Variants in FSTL4 observed in about 807,000 individuals in gnomAD.
FSTL4 encodes the protein follistatin-related protein 4.
Under a neutral mutation model 78.2 loss-of-function variants are expected in FSTL4, and 28 were observed. That is an observed-to-expected ratio of 0.36 (90% CI 0.27 to 0.49). The LOEUF is 0.49. Among genes scored for constraint, FSTL4 ranks in the 20% least tolerant of loss-of-function variants. The pLI is 0.98. For missense variants in FSTL4, 922 were observed against 1,084.9 expected (o/e 0.85, Z 2.11); for synonymous variants, 422 against 440.5 (o/e 0.96, Z 0.53).
the FSTL4 span, among the ~76,000 whole-genome samples, chr5:133,801,066 T>C: frequency 9.9e-5 from 15 of 152,236 alleles, no homozygotes; most frequent in African/African-American, 3.4e-4. Flanking sequence ...GCAGGCAGGT[T>C]GTCGCCTTCA....
intron 6 of FSTL4, among the ~76,000 whole-genome samples, chr5:133,259,208 G>A (rs1197257245): frequency 1.3e-5 from 2 of 152,072 alleles, no homozygotes; most frequent in Non-Finnish European, 2.9e-5. Flanking sequence ...GTGGCGGAAA[G>A]CCTCTTTGAG....
the FSTL4 span, among the ~76,000 whole-genome samples, chr5:133,672,361 A>G: frequency 2.0e-5 from 3 of 152,270 alleles, no homozygotes; most frequent in Non-Finnish European, 4.4e-5. Flanking sequence ...CATGATGGGC[A>G]TGAAACATGA....
intron 4 of FSTL4, among the ~76,000 whole-genome samples, chr5:133,382,277 G>A (rs1334217983): frequency 6.6e-6 from 1 of 152,232 alleles, no homozygotes; most frequent in Non-Finnish European, 1.5e-5. Flanking sequence ...CTGAGCCCCT[G>A]CGGACCCATG....
At chr5:133,563,410 G>A (rs1759962996) in intron 3 of FSTL4, among the ~76,000 whole-genome samples, 1 of 152,194 alleles carries the variant, frequency 6.6e-6, no homozygotes, top group Non-Finnish European at 1.5e-5. Flanking sequence ...GGGCATCAGA[G>A]AGGCACCAGC....
chr5:133,398,105 C>T (rs72803169), intron 4 of FSTL4, among the ~76,000 whole-genome samples: 8,982 of 152,182 alleles, frequency 0.059, 271 homozygotes, highest in South Asian at 0.073. Context: ...CGTTCTACTC[C>T]CCCCTGGAGC....
At chr5:133,485,895 C>T (rs1424697721) in intron 3 of FSTL4, among the ~76,000 whole-genome samples, 1 of 152,242 alleles carries the variant, frequency 6.6e-6, no homozygotes, top group Non-Finnish European at 1.5e-5. Context: ...CAGTGGGCTT[C>T]TTCCAGAAAA....
the FSTL4 span, among the ~76,000 whole-genome samples, chr5:133,818,509 C>T: frequency 6.6e-6 from 1 of 152,276 alleles, no homozygotes; most frequent in South Asian, 2.1e-4. Context: ...CCACTGAAAC[C>T]TCCATTAACT....
intron 3 of FSTL4, among the ~76,000 whole-genome samples, chr5:133,481,054 G>A (rs1758017962): frequency 1.3e-5 from 2 of 152,292 alleles, no homozygotes; most frequent in Middle Eastern, 3.4e-3. Context: ...GACCGTGGCT[G>A]TTGGCCTAAT....
chr5:133,591,444 G>T (rs55674913), intron 2 of FSTL4, among the ~76,000 whole-genome samples: 28,380 of 152,076 alleles, frequency 0.19, 3,382 homozygotes, highest in East Asian at 0.29. Flanking sequence ...CTTGCTGAGA[G>T]GTTTGAGGCT....
At chr5:133,468,779 G>T (rs957273600) in intron 3 of FSTL4, among the ~76,000 whole-genome samples, 27 of 152,136 alleles carry the variant, frequency 1.8e-4, no homozygotes, top group African/African-American at 6.3e-4. Flanking sequence ...GGCCAGCTAT[G>T]ACCAAGCTCA....
the FSTL4 span, among the ~76,000 whole-genome samples, chr5:133,644,061 G>T: frequency 6.6e-6 from 1 of 152,166 alleles, no homozygotes; most frequent in Non-Finnish European, 1.5e-5. Context: ...AAGTAAAATG[G>T]TGGTGGGAAA....
At chr5:133,271,395 C>G (rs755250677) in intron 6 of FSTL4, among the ~76,000 whole-genome samples, 6 of 152,182 alleles carry the variant, frequency 3.9e-5, no homozygotes, top group Non-Finnish European at 8.8e-5. Flanking sequence ...GATGCCTCTG[C>G]TGGGCTTCTT....
At chr5:133,622,109 CTG>C in the FSTL4 span, among the ~76,000 whole-genome samples, 2 of 151,756 alleles carry the variant, frequency 1.3e-5, no homozygotes, top group Non-Finnish European at 2.9e-5. Context: ...AATTTTATAA[CTG>C]TGTCATTTTA....
intron 4 of FSTL4, among the ~76,000 whole-genome samples, chr5:133,393,875 G>A (rs1287228347): frequency 1.3e-5 from 2 of 152,268 alleles, no homozygotes; most frequent in Non-Finnish European, 2.9e-5. Flanking sequence ...GCGGAGCAGG[G>A]AAGCCCCGCC....
chr5:133,694,524 A>G, the FSTL4 span, among the ~76,000 whole-genome samples: 1 of 152,278 alleles, frequency 6.6e-6, no homozygotes, highest in Non-Finnish European at 1.5e-5. Context: ...CCTGGCGCTC[A>G]CAGCCTAGCC....
At chr5:133,606,516 G>A (rs1048900064) in intron 1 of FSTL4, among the ~76,000 whole-genome samples, 4 of 152,230 alleles carry the variant, frequency 2.6e-5, no homozygotes, top group South Asian at 2.1e-4. Flanking sequence ...AGAGACTGCA[G>A]AAAACAGCGA....
At chr5:133,499,184 C>T (rs541411220) in intron 3 of FSTL4, among the ~76,000 whole-genome samples, 13 of 152,232 alleles carry the variant, frequency 8.5e-5, no homozygotes, top group African/African-American at 2.9e-4. Context: ...AAACTACACA[C>T]AGGAGATCTG....
chr5:133,313,428 G>A (rs749815577), intron 5 of FSTL4, among the ~76,000 whole-genome samples: 2 of 152,086 alleles, frequency 1.3e-5, no homozygotes, highest in Non-Finnish European at 2.9e-5. Flanking sequence ...ACTCCTCTCT[G>A]GTTGTGGTCT....
At chr5:133,353,012 C>T (rs186879041) in intron 4 of FSTL4, among the ~76,000 whole-genome samples, 39 of 152,314 alleles carry the variant, frequency 2.6e-4, no homozygotes, top group African/African-American at 8.9e-4. Flanking sequence ...TGGAAAACAG[C>T]AGATCTGTCC....
Sources: gnomAD v4.1 joint callset for allele counts (sites outside exome capture counted in the v4.1 genomes callset) on GRCh38, gnomAD v4.1.1 for gene constraint, MANE v1.5 for transcripts, NCBI Gene and HGNC (gene_info 2026-07-23, HGNC 2026-07-21) for gene names.